IKBKE: variants seen among roughly 807,000 people sequenced by gnomAD.
The protein encoded by IKBKE is inhibitor of nuclear factor kappa-B kinase subunit epsilon.
IKBKE carries 45 observed loss-of-function variants against 92.1 expected under a neutral mutation model. That is an observed-to-expected ratio of 0.49 (90% CI 0.38 to 0.63). The LOEUF (loss-of-function observed/expected upper bound fraction) is 0.63, where lower values mean the gene tolerates loss of function less well. Ranked by LOEUF, IKBKE falls within the 20% of genes least tolerant of loss-of-function variation. The pLI is 0.00. For synonymous variants in IKBKE, 374 were observed against 380.3 expected (o/e 0.98, Z 0.19); for missense variants, 700 against 932.8 (o/e 0.75, Z 3.25).
Position 206,474,531 on chromosome 1 carries a change from A to G in IKBKE, c.228+60A>G, listed in dbSNP as rs539363468. 6.0e-5 allele frequency: 88 copies of G among 1,476,766 alleles called. No individual in the cohort carries two copies. In the South Asian group the frequency reaches 1.0e-3, roughly 17 times the overall value. The allele number at this position is 1,476,766 out of a possible 1,614,324, so 91.5% of individuals were successfully genotyped here. On this transcript the variant is annotated intron_variant, in intron 4 of 21. Transcript: ENST00000581977. ...CCTTGACCCTTATGGTCTGGGGAGA[A>G]TCAGGCCACATGATAACAGAGATTT...
In IKBKE at chr1:206,485,818, A is replaced by T. The variant is rs552810577; in HGVS notation, c.1616+512A>T. ...CCTATGTTCTTGGCCTATGCCAGGCAGGGGTTTACAACCTTTAAGGCACCA... is the reference window on the plus strand; with the variant it reads ...CCTATGTTCTTGGCCTATGCCAGGCTGGGGTTTACAACCTTTAAGGCACCA... On this transcript the variant is annotated intron_variant, in intron 15 of 21. Transcript: ENST00000581977. The surrounding 1 kb of genome is among the most constrained non-coding windows in gnomAD (Gnocchi z 5.0). 1.6e-4 allele frequency among the ~76,000 whole-genome samples: 25 copies of T among 152,242 alleles called. No homozygotes were observed. The highest frequency in any genetic ancestry group is 2.8e-4 in the Non-Finnish European group (19 of 68,042).
rs984813188 is a variant in IKBKE, at chr1:206,490,145, G to A, written c.1694-674G>A. ...TTAGCTGGCCGAGTGCAGGGCCCAG[G>A]AGGGGGACTCTGCTATGAGAGGAGT... On this transcript the variant is annotated intron_variant, in intron 16 of 21. Coordinates refer to ENST00000581977, the MANE Select transcript of IKBKE (RefSeq NM_014002.4). The surrounding 1 kb of genome is among the most constrained non-coding windows in gnomAD (Gnocchi z 5.2). 6.6e-6 allele frequency among the ~76,000 whole-genome samples: 1 copy of A among 152,212 alleles called. No homozygotes were observed. Among genetic ancestry groups the A allele is most frequent in the African/African-American group, 2.4e-5 (1 of 41,454 alleles).
chr1:206,473,172 G>GC (rs1553384223), intron 2 of IKBKE, 24 bp from the exon 3 acceptor site: 32 of 1,412,056 alleles, frequency 2.3e-5, no homozygotes, highest in Non-Finnish European at 2.0e-6. Context: ...GGAATCCTGG[G>GC]CCCCCAGCAT....
chr1:206,492,483 G>T (rs1241909561), intron 18 of IKBKE: 2 of 471,196 alleles, frequency 4.2e-6, no homozygotes, highest in Non-Finnish European at 8.8e-6. Flanking sequence ...ACACATTCTG[G>T]TGTAATTGCT....
Position 206,492,463 on chromosome 1 carries a change from C to G in IKBKE, c.1836-560C>G, listed in dbSNP as rs1469469372. 1.9e-5 allele frequency: 9 copies of G among 471,240 alleles called. 1 individual carries two copies. Among genetic ancestry groups the G allele is most frequent in the African/African-American group, 1.4e-4 (7 of 50,092 alleles). The allele number at this position is 471,240 out of a possible 1,614,324, so 29.2% of individuals were successfully genotyped here. On this transcript the variant is annotated intron_variant, in intron 18 of 21. Coordinates refer to ENST00000581977, the MANE Select transcript of IKBKE (RefSeq NM_014002.4). ...AATACCAATGCCTGCTTCTTCTACTCCAACCCACCACACATTCTGGTGTAA... is the reference window on the plus strand; with the variant it reads ...AATACCAATGCCTGCTTCTTCTACTGCAACCCACCACACATTCTGGTGTAA...
intron 21 of IKBKE, among the ~76,000 whole-genome samples, chr1:206,495,378 G>T (rs984602705): frequency 3.3e-5 from 5 of 152,184 alleles, no homozygotes; most frequent in Non-Finnish European, 7.3e-5. Flanking sequence ...AGATATGCAA[G>T]GTGCTTGCGC....
intron 21 of IKBKE, 29 bp from the exon 22 acceptor site, chr1:206,496,083 G>C (rs1666224320): frequency 6.2e-7 from 1 of 1,604,958 alleles, no homozygotes; most frequent in African/African-American, 1.3e-5. Context: ...CAACAGGTGG[G>C]CACTGCTAGC....
intron 20 of IKBKE, 107 bp downstream of exon 20, chr1:206,493,485 G>T: frequency 2.5e-6 from 2 of 811,410 alleles, no homozygotes; most frequent in East Asian, 2.6e-5. Context: ...GCCAGGCCTA[G>T]GAGGCAAGAT....
intron 3 of IKBKE, among the ~76,000 whole-genome samples, chr1:206,473,874 T>C (rs1553384465): frequency 6.9e-6 from 1 of 145,880 alleles, no homozygotes; most frequent in Non-Finnish European, 1.5e-5. Context: ...AGGCAGAGAA[T>C]CGCTTGAACC....
intron 21 of IKBKE, among the ~76,000 whole-genome samples, chr1:206,494,986 TA>T (rs33957066): frequency 0.068 from 7,388 of 108,842 alleles, 226 homozygotes; most frequent in African/African-American, 0.13. Flanking sequence ...ACATTTGAAG[TA>T]AAAAAAAAAA....
At chr1:206,494,125 G>A in intron 21 of IKBKE, 134 bp downstream of exon 21, 3 of 689,666 alleles carry the variant, frequency 4.3e-6, no homozygotes, top group South Asian at 1.8e-5. Flanking sequence ...CCCTGTTGAA[G>A]CTTAGGCATT....
chr1:206,491,189 C>G (rs1302040895), intron 17 of IKBKE: 1 of 436,284 alleles, frequency 2.3e-6, no homozygotes, highest in Non-Finnish European at 4.2e-6. Flanking sequence ...CCCTGCCTCC[C>G]CCCGCTCCTC....
At chr1:206,495,936 A>G (rs896576504) in intron 21 of IKBKE, among the ~76,000 whole-genome samples, 176 bp from the exon 22 acceptor site, 1 of 152,150 alleles carries the variant, frequency 6.6e-6, no homozygotes, top group Admixed American at 6.5e-5. Flanking sequence ...TGATTCCAAC[A>G]TATAGTCAGA....
intron 20 of IKBKE, among the ~76,000 whole-genome samples, chr1:206,493,695 A>G (rs1193624253): frequency 6.6e-6 from 1 of 152,244 alleles, no homozygotes; most frequent in Non-Finnish European, 1.5e-5. Flanking sequence ...AGGCTGAGGC[A>G]TAAGAATTGC....
intron 4 of IKBKE, 51 bp from the exon 5 acceptor site, chr1:206,474,814 G>T (rs1664970778): frequency 1.3e-6 from 2 of 1,597,006 alleles, no homozygotes; most frequent in African/African-American, 1.3e-5. Flanking sequence ...TTCCTGGTGG[G>T]TGGGGAGGAG....
chr1:206,493,207 C>A, intron 19 of IKBKE, 59 bp from the exon 20 acceptor site: 1 of 1,563,494 alleles, frequency 6.4e-7, no homozygotes, highest in Non-Finnish European at 8.8e-7. Flanking sequence ...AGCACTCCCC[C>A]TACCCAGCCA....
At chr1:206,491,262 T>C in intron 17 of IKBKE, 1 of 366,774 alleles carries the variant, frequency 2.7e-6, no homozygotes, top group Non-Finnish European at 5.1e-6. Flanking sequence ...AATGGTTATC[T>C]GGGAACTCAC....
chr1:206,481,035 C>T (rs1665357570), intron 13 of IKBKE, among the ~76,000 whole-genome samples: 1 of 152,150 alleles, frequency 6.6e-6, no homozygotes, highest in African/African-American at 2.4e-5. Flanking sequence ...CTTTGGAACC[C>T]CACTCCCTCC....
chr1:206,476,091 A>T lies in IKBKE; in HGVS notation c.359-90A>T, dbSNP rs868968582. The stretch of plus-strand genomic sequence containing the variant: ...CCCATGGGAACTCCTGTCTCTCTGG[A>T]TGCAAGGACAGCCTTCCCACCAAGA... On this transcript the variant is annotated intron_variant, in intron 5 of 21. Coordinates refer to ENST00000581977, the MANE Select transcript of IKBKE (RefSeq NM_014002.4). This position sits in a 1 kb window ranked among gnomAD's most constrained non-coding sequence, Gnocchi z 5.1. The T allele has an allele frequency of 9.6e-6, 12 of 1,255,826 alleles. No homozygotes were observed. In the Middle Eastern group the frequency reaches 7.7e-4, roughly 81 times the overall value. The allele number at this position is 1,255,826 out of a possible 1,614,324, so 77.8% of individuals were successfully genotyped here. A position where few individuals can be genotyped will look rare whatever the true frequency, so the allele number is the denominator to read the frequency against.
Sources: allele counts gnomAD v4.1 joint callset (sites outside exome capture counted in the v4.1 genomes callset), GRCh38; gene constraint gnomAD v4.1.1; non-coding constraint Gnocchi (gnomAD v3.1); transcripts MANE v1.5; gene names NCBI Gene and HGNC (gene_info 2026-07-23, HGNC 2026-07-21).